The following JPH4 variants were observed in gnomAD, a reference collection of about 807,000 sequenced individuals.
JPH4 encodes the protein junctophilin 4, also known as junctophilin-4.
A neutral mutation model predicts 57.6 loss-of-function variants in JPH4; 18 were observed. The observed-to-expected ratio is 0.31, with a 90% CI of 0.22 to 0.46. The LOEUF is 0.46. Ranked by LOEUF, JPH4 falls within the 20% of genes least tolerant of loss-of-function variation. The pLI, the probability that JPH4 is intolerant of heterozygous loss-of-function variation, is 1.00. For missense variants in JPH4, 727 were observed against 911.1 expected, an observed-to-expected ratio of 0.80 and a Z score of 2.60; for synonymous variants, 425 against 406.6, an observed-to-expected ratio of 1.05 and a Z score of -0.54.
At chr14:23,573,236 G>C (rs1424339889) in intron 3 of JPH4, among the ~76,000 whole-genome samples, 1 of 152,170 alleles carries the variant, frequency 6.6e-6, no homozygotes, top group East Asian at 1.9e-4. Flanking sequence ...CTCAAACCTG[G>C]TGGGTCAAAG....
Position 23,575,779 on chromosome 14 carries a change from G to T in JPH4, c.1057C>A (p.Arg353=), listed in dbSNP as rs1414449734. 4.4e-6 allele frequency: 7 copies of T among 1,596,296 alleles called. No individual in the cohort carries two copies. Among genetic ancestry groups the T allele is most frequent in the Non-Finnish European group, 5.1e-6 (6 of 1,172,980 alleles). The change falls in exon 3 of 6, where the codon CGG becomes AGG. Residue 353 remains arginine (R), a synonymous_variant. Transcript: ENST00000356300. The surrounding 1 kb of genome is among the most constrained non-coding windows in gnomAD (Gnocchi z 6.9). ...TCCACCTTCTCCTTAACCTTGCCCC[G>T]CCGAAGGGCCAGAGGCAGGAGACTG... ...VRSLLPLALR[R]GKVKEKVDRA...
Position 23,571,849 on chromosome 14 carries a change from A to G in JPH4, c.1223T>C (p.Met408Thr). ...CAGGTCCTGGGCTATCAGTTTGGCC[A>G]TTCGAGCTGCCTCCACGGCCTTCTC... is the stretch of plus-strand genomic sequence containing the variant. ...VAEKAVEAARMAKLIAQDLQP... is the reference protein window; with the variant it reads ...VAEKAVEAARTAKLIAQDLQP... The change falls in exon 4 of 6, where the codon ATG becomes ACG. Residue 408 changes from methionine to threonine, a missense_variant. Met to Thr is a moderately conservative substitution (Grantham distance 81). Coordinates refer to ENST00000356300, the MANE Select transcript of JPH4 (RefSeq NM_001146028.2). This position sits in a 1 kb window ranked among gnomAD's most constrained non-coding sequence, Gnocchi z 4.6. The G allele has an allele frequency of 1.9e-6, 3 of 1,613,134 alleles. No homozygotes were observed. The highest frequency in any genetic ancestry group is 1.1e-5 in the South Asian group (1 of 91,082).
chr14:23,574,752 G>T (rs1032526408), intron 3 of JPH4, among the ~76,000 whole-genome samples: 1 of 152,012 alleles, frequency 6.6e-6, no homozygotes, highest in Non-Finnish European at 1.5e-5. Context: ...TGGATATATT[G>T]GTTTAAATAA....
In JPH4 at chr14:23,577,726, A is replaced by C; in HGVS notation, c.-171-102T>G. 60 of 330,868 alleles carry C rather than the reference A, an allele frequency of 1.8e-4. No homozygotes were observed. The highest frequency in any genetic ancestry group is 3.3e-4 in the East Asian group (7 of 20,936). 20.5% of individuals were successfully genotyped at this position (330,868 alleles called of 1,614,324 possible). ...TCTGGGGCATCAGCGCCGCCCCCCA[A>C]TCCACCCCCCTCCTTTGGCAGCATC... is the stretch of plus-strand genomic sequence containing the variant. On this transcript the variant is annotated intron_variant, in intron 1 of 5. Coordinates refer to ENST00000356300, the MANE Select transcript of JPH4 (RefSeq NM_001146028.2). The surrounding 1 kb of genome is among the most constrained non-coding windows in gnomAD (Gnocchi z 8.4).
At position 23,569,766 on chromosome 14, in the gene JPH4, A is replaced by G. The variant is rs1451766235; in HGVS notation, c.1804-49T>C. 7.7e-7 allele frequency: 1 copy of G among 1,296,764 alleles called. No individual in the cohort carries two copies. The highest frequency in any genetic ancestry group is 1.5e-5 in the African/African-American group (1 of 67,822). The allele number at this position is 1,296,764 out of a possible 1,614,324, so 80.3% of individuals were successfully genotyped here. A position where few individuals can be genotyped will look rare whatever the true frequency, so the allele number is the denominator to read the frequency against. On this transcript the variant is annotated intron_variant, in intron 5 of 5. Transcript: ENST00000356300. This position sits in a 1 kb window ranked among gnomAD's most constrained non-coding sequence, Gnocchi z 4.8. ...GACTCAGTCCCCGAGGACAGGGCCC[A>G]CCTTCCTGCCCTGACTGAGGTGGCA...
At chr14:23,572,718 C>T (rs1460050951) in intron 3 of JPH4, 5 of 597,440 alleles carry the variant, frequency 8.4e-6, no homozygotes, top group African/African-American at 1.9e-5. Context: ...GAGTGGGTCT[C>T]CCCTTTCGGT....
Position 23,576,067 on chromosome 14 carries a change from G to C in JPH4, c.769C>G (p.Pro257Ala). 7.6e-7 allele frequency: 1 copy of C among 1,313,964 alleles called. No homozygotes were observed. The highest frequency in any genetic ancestry group is 9.6e-7 in the Non-Finnish European group (1 of 1,037,012). The allele number at this position is 1,313,964 out of a possible 1,614,324, so 81.4% of individuals were successfully genotyped here. ...GGCCCGCTGGCCTCCGAGCCGGGCG[G>C]TCCGGTGCTGCCCACCTCGCTGCTC... ...EVSSEVGSTG[P>A]PGSEASGPPA... is the part of the protein sequence containing the mutation. The change falls in exon 3 of 6, where the codon CCG becomes GCG. Residue 257 changes from proline to alanine, a missense_variant. Physicochemically the swap from Pro to Ala is conservative, Grantham distance 27 (BLOSUM62 -1). Around this residue, in one of 7 missense-constraint regions of JPH4, gnomAD observed 131 missense variants for 156.5 expected, o/e 0.84. Transcript: ENST00000356300. The surrounding 1 kb of genome is among the most constrained non-coding windows in gnomAD (Gnocchi z 8.0).
Position 23,575,265 on chromosome 14 carries a change from C to G in JPH4, c.1151+420G>C. On this transcript the variant is annotated intron_variant, in intron 3 of 5. Coordinates refer to ENST00000356300, the MANE Select transcript of JPH4 (RefSeq NM_001146028.2). The surrounding 1 kb of genome is among the most constrained non-coding windows in gnomAD (Gnocchi z 6.9). Reference sequence around the variant, plus strand: ...AGGAAGGGACAGTCCCTATTCCACCCAGGGTTGATGCTCCCAGCCTGAGGC... The same window carrying G: ...AGGAAGGGACAGTCCCTATTCCACCGAGGGTTGATGCTCCCAGCCTGAGGC... The G allele has an allele frequency of 4.3e-6, 1 of 233,142 alleles. No homozygotes were observed. The highest frequency in any genetic ancestry group is 7.6e-5 in the South Asian group (1 of 13,106). 14.4% of individuals were successfully genotyped at this position (233,142 alleles called of 1,614,324 possible). A position where few individuals can be genotyped will look rare whatever the true frequency, so the allele number is the denominator to read the frequency against.
Position 23,571,500 on chromosome 14 carries a change from C to T in JPH4, c.1271-40G>A. 1 of 1,581,056 alleles carries T rather than the reference C, an allele frequency of 6.3e-7. No homozygotes were observed. The highest frequency in any genetic ancestry group is 8.5e-7 in the Non-Finnish European group (1 of 1,171,748). ...CTGAGAATCAGAGGGGCCTAACTGG[C>T]CTTGGGCTGGAGTGGCTGCAGCTTT... On this transcript the variant is annotated intron_variant, in intron 4 of 5. Transcript: ENST00000356300. This position sits in a 1 kb window ranked among gnomAD's most constrained non-coding sequence, Gnocchi z 4.6.
In JPH4 at chr14:23,571,703, C is replaced by G. The variant is rs1595393566; in HGVS notation, c.1270+99G>C. ...CCTCATTCCTTGTTTTTTCCCATCC[C>G]CACTTCCCTTGCAGGGCTTCTCATC... is the stretch of plus-strand genomic sequence containing the variant. On this transcript the variant is annotated intron_variant, in intron 4 of 5. Transcript: ENST00000356300. This position sits in a 1 kb window ranked among gnomAD's most constrained non-coding sequence, Gnocchi z 4.6. The G allele has an allele frequency of 3.3e-6, 4 of 1,217,008 alleles. No individual in the cohort carries two copies. In the African/African-American group the frequency reaches 4.5e-5, roughly 14 times the overall value. The allele number at this position is 1,217,008 out of a possible 1,614,324, so 75.4% of individuals were successfully genotyped here.
chr14:23,571,778 T>C lies in JPH4; in HGVS notation c.1270+24A>G. 1.9e-6 allele frequency: 3 copies of C among 1,594,338 alleles called. No homozygotes were observed. The highest frequency in any genetic ancestry group is 1.3e-5 in the African/African-American group (1 of 74,596). ...TAGCTCCCTAGGGGCCTCACTGCCC[T>C]CCCCCCAGCTGTCCATGCCTCACCT... On this transcript the variant is annotated intron_variant, in intron 4 of 5. Coordinates refer to ENST00000356300, the MANE Select transcript of JPH4 (RefSeq NM_001146028.2). This position sits in a 1 kb window ranked among gnomAD's most constrained non-coding sequence, Gnocchi z 4.6.
intron 3 of JPH4, chr14:23,573,112 C>T (rs2139467913): frequency 3.3e-6 from 2 of 612,086 alleles, no homozygotes; most frequent in South Asian, 3.9e-5. Context: ...CTCTCTGGCT[C>T]AGGAAGGCAG....
At position 23,575,855 on chromosome 14, in the gene JPH4, G is replaced by A. The variant is rs1450096594; in HGVS notation, c.981C>T (p.Arg327=). The change falls in exon 3 of 6, where the codon CGC becomes CGT. Residue 327 remains arginine, a synonymous_variant. Coordinates refer to ENST00000356300, the MANE Select transcript of JPH4 (RefSeq NM_001146028.2). This position sits in a 1 kb window ranked among gnomAD's most constrained non-coding sequence, Gnocchi z 6.9. ...YGRTTRPDGS[R]EEGKYKRNRL... is the part of the protein sequence containing the mutation. Reference sequence around the variant, plus strand: ...GGTTGCGCTTGTACTTGCCCTCCTCGCGGGAGCCGTCGGGGCGGGTGGTGC... The same window carrying A: ...GGTTGCGCTTGTACTTGCCCTCCTCACGGGAGCCGTCGGGGCGGGTGGTGC... The A allele has an allele frequency of 6.3e-7, 1 of 1,583,676 alleles. No individual in the cohort carries two copies. Among genetic ancestry groups the A allele is most frequent in the Non-Finnish European group, 8.6e-7 (1 of 1,167,182 alleles).
At chr14:23,572,165 C>T (rs1889167982) in intron 3 of JPH4, among the ~76,000 whole-genome samples, 1 of 152,126 alleles carries the variant, frequency 6.6e-6, no homozygotes, top group African/African-American at 2.4e-5. Flanking sequence ...GCTCCTCTCA[C>T]ACCCTTCTAC....
chr14:23,578,384 G>A lies in JPH4; in HGVS notation c.-376C>T, dbSNP rs1158821001. 1 of 151,990 alleles carries A rather than the reference G, an allele frequency of 6.6e-6. No individual in the cohort carries two copies. Among genetic ancestry groups the A allele is most frequent in the Non-Finnish European group, 1.5e-5 (1 of 68,096 alleles). The allele number at this position is 151,990 out of a possible 1,614,324, so 9.4% of individuals were successfully genotyped here. ...GGTGGGGGGGCGAGGTAGTGGCAAG[G>A]GTGGGGGAAGATGAGAATAGTGTAG... On this transcript the variant is annotated 5_prime_UTR_variant, in exon 1 of 6. Coordinates refer to ENST00000356300, the MANE Select transcript of JPH4 (RefSeq NM_001146028.2).
chr14:23,568,648 C>T lies in JPH4; in HGVS notation c.*986G>A. ...CTCCTGTTATCTTGTCTGGTCCTAT[C>T]CCCCAGAAGTGCCTCCTCCCACCAC... On this transcript the variant is annotated 3_prime_UTR_variant, in exon 6 of 6. Transcript: ENST00000356300. 1.0e-6 allele frequency: 1 copy of T among 985,914 alleles called. No homozygotes were observed. Among genetic ancestry groups the T allele is most frequent in the Non-Finnish European group, 1.2e-6 (1 of 829,988 alleles). The allele number at this position is 985,914 out of a possible 1,614,324, so 61.1% of individuals were successfully genotyped here. A position where few individuals can be genotyped will look rare whatever the true frequency, so the allele number is the denominator to read the frequency against.
rs1050087075 is a variant in JPH4 at position 23,571,659 on chromosome 14, C to T, written c.1270+143G>A. 3 of 1,008,224 alleles carry T rather than the reference C, an allele frequency of 3.0e-6. No individual in the cohort carries two copies. Among genetic ancestry groups the T allele is most frequent in the African/African-American group, 1.6e-5 (1 of 62,744 alleles). 62.5% of individuals were successfully genotyped at this position (1,008,224 alleles called of 1,614,324 possible). A position where few individuals can be genotyped will look rare whatever the true frequency, so the allele number is the denominator to read the frequency against. ...TCCCCAGACTACCAGGTCTGGCCCCCACCCTGTGTTCCTTGCACCCTCATT... is the reference window on the plus strand; with the variant it reads ...TCCCCAGACTACCAGGTCTGGCCCCTACCCTGTGTTCCTTGCACCCTCATT... On this transcript the variant is annotated intron_variant, in intron 4 of 5. Transcript: ENST00000356300. This position sits in a 1 kb window ranked among gnomAD's most constrained non-coding sequence, Gnocchi z 4.6.
chr14:23,569,047 C>A lies in JPH4; in HGVS notation c.*587G>T, dbSNP rs912082800. ...AATTGGGCAGTAACCCAGCTCAGTG[C>A]TTGGAGGTAAGATAATAGCCTCCAA... On this transcript the variant is annotated 3_prime_UTR_variant, in exon 6 of 6. Coordinates refer to ENST00000356300, the MANE Select transcript of JPH4 (RefSeq NM_001146028.2). This position sits in a 1 kb window ranked among gnomAD's most constrained non-coding sequence, Gnocchi z 4.8. The A allele has an allele frequency of 6.3e-6, 1 of 158,206 alleles. No homozygotes were observed. The highest frequency in any genetic ancestry group is 2.4e-5 in the African/African-American group (1 of 41,456). The allele number at this position is 158,206 out of a possible 1,614,324, so 9.8% of individuals were successfully genotyped here.
Position 23,568,415 on chromosome 14 carries a change from A to G in JPH4, c.*1219T>C. ...GAAAAACTAATACCAGAGAGGGATC[A>G]GCCACAACCTCAAACAGGGCTCTCC... On this transcript the variant is annotated 3_prime_UTR_variant, in exon 6 of 6. Coordinates refer to ENST00000356300, the MANE Select transcript of JPH4 (RefSeq NM_001146028.2). 1.0e-6 allele frequency: 1 copy of G among 985,770 alleles called. No individual in the cohort carries two copies. Among genetic ancestry groups the G allele is most frequent in the Non-Finnish European group, 1.2e-6 (1 of 829,970 alleles). The allele number at this position is 985,770 out of a possible 1,614,324, so 61.1% of individuals were successfully genotyped here. A position where few individuals can be genotyped will look rare whatever the true frequency, so the allele number is the denominator to read the frequency against.
Sources: allele counts gnomAD v4.1 joint callset (sites outside exome capture counted in the v4.1 genomes callset), GRCh38; gene constraint gnomAD v4.1.1; regional missense constraint gnomAD v4.1.1; non-coding constraint Gnocchi (gnomAD v3.1); transcripts MANE v1.5; gene names NCBI Gene and HGNC (gene_info 2026-07-23, HGNC 2026-07-21).